Variants in BTBD16 observed in about 807,000 individuals in gnomAD.
BTBD16 encodes the protein BTB/POZ domain-containing protein 16.
In BTBD16, 66 loss-of-function variants were observed where a neutral mutation model predicts 67.4. The observed-to-expected ratio is 0.98, with a 90% CI of 0.80 to 1.20. The LOEUF is 1.20. BTBD16 is among the 50% of genes most tolerant of loss of function. BTBD16 has a pLI of 0.00. For missense variants in BTBD16, 634 were observed against 616.0 expected, an observed-to-expected ratio of 1.03 and a Z score of -0.31; for synonymous variants, 242 against 236.4, an observed-to-expected ratio of 1.02 and a Z score of -0.22.
intron 4 of BTBD16, 64 bp from the exon 5 acceptor site, chr10:122,286,041 G>T: frequency 6.7e-7 from 1 of 1,482,632 alleles, no homozygotes. Context: ...GGGAGAGGAA[G>T]CTGATGCATC....
In BTBD16 at chr10:122,283,890, T is replaced by C. The variant is rs1317817471; in HGVS notation, c.207T>C (p.Asn69=). ...AAATCCAGAAGTTTTTCTTTGAGAA[T>C]TTCAAGAACAAGGACATCCAAAGTG... ...ISQIQKFFFE[N]FKNKDIQSGE... Residue 69 remains asparagine (N), a synonymous_variant, in exon 4 of 16, where the codon AAT becomes AAC. Coordinates refer to ENST00000260723, the MANE Select transcript of BTBD16 (RefSeq NM_144587.5). 9 of 1,614,008 alleles carry C rather than the reference T, an allele frequency of 5.6e-6. No individual in the cohort carries two copies. The highest frequency in any genetic ancestry group is 7.6e-6 in the Non-Finnish European group (9 of 1,179,968).
chr10:122,312,099 A>G (rs2096414732), intron 10 of BTBD16, among the ~76,000 whole-genome samples: 1 of 152,198 alleles, frequency 6.6e-6, no homozygotes, highest in Non-Finnish European at 1.5e-5. Flanking sequence ...TGGTACACAT[A>G]ATTATGTGCT....
chr10:122,318,171 T>C (rs752211535), intron 10 of BTBD16, among the ~76,000 whole-genome samples: 1 of 152,172 alleles, frequency 6.6e-6, no homozygotes, highest in Admixed American at 6.5e-5. Context: ...ATGTGGTCTG[T>C]TGTAGACTGA....
In BTBD16 at chr10:122,283,875, G is replaced by GC. The variant is rs766358864; in HGVS notation, c.192_193insC (p.Phe65LeufsTer4). The GC allele has an allele frequency of 1.2e-6, 2 of 1,614,146 alleles. No individual in the cohort carries two copies. The highest frequency in any genetic ancestry group is 1.7e-6 in the Non-Finnish European group (2 of 1,179,984). ...GGTTATGCATTTCACAAATCCAGAA[G>GC]TTTTTCTTTGAGAATTTCAAGAACA... is the stretch of plus-strand genomic sequence containing the variant. On this transcript the variant is annotated frameshift_variant, in exon 4 of 16. Transcript: ENST00000260723. LOFTEE classifies it high-confidence loss of function.
chr10:122,298,873 A>G, intron 8 of BTBD16, 131 bp from the exon 9 acceptor site: 1 of 1,174,122 alleles, frequency 8.5e-7, no homozygotes, highest in South Asian at 1.6e-5. Context: ...TAATTCATGT[A>G]TTTTGTAGAA....
intron 10 of BTBD16, chr10:122,327,636 G>A (rs763007383): frequency 4.5e-5 from 44 of 985,282 alleles, no homozygotes; most frequent in Non-Finnish European, 5.1e-5. Flanking sequence ...CACAAAAGTG[G>A]GCATCATTGC....
chr10:122,300,452 T>A (rs1401732173), intron 9 of BTBD16, among the ~76,000 whole-genome samples: 2 of 152,162 alleles, frequency 1.3e-5, no homozygotes, highest in Non-Finnish European at 2.9e-5. Flanking sequence ...TGCTATATCA[T>A]CTGCGTCTCT....
At chr10:122,329,359 G>A (rs539807117) in intron 10 of BTBD16, 121 bp from the exon 11 acceptor site, 5 of 855,694 alleles carry the variant, frequency 5.8e-6, no homozygotes, top group East Asian at 5.0e-5. Context: ...AGGGACCGAG[G>A]CCCCATCTCC....
At chr10:122,317,239 C>T (rs77188800) in intron 10 of BTBD16, among the ~76,000 whole-genome samples, 5,601 of 152,316 alleles carry the variant, frequency 0.037, 132 homozygotes, top group Non-Finnish European at 0.056. Flanking sequence ...GCTTAAAACA[C>T]AAACACGTTA....
At chr10:122,313,271 G>GTT (rs1184061682) in intron 10 of BTBD16, among the ~76,000 whole-genome samples, 4 of 89,782 alleles carry the variant, frequency 4.5e-5, no homozygotes, top group Non-Finnish European at 8.9e-5. Context: ...TTTTTTTTTT[G>GTT]TTTTTTTTTT....
intron 10 of BTBD16, among the ~76,000 whole-genome samples, chr10:122,308,645 C>A (rs537355257): frequency 6.6e-6 from 1 of 152,074 alleles, no homozygotes; most frequent in Non-Finnish European, 1.5e-5. Context: ...CTTTCTCCAG[C>A]GAGCTTTGGG....
At chr10:122,310,195 T>C (rs2096411302) in intron 10 of BTBD16, among the ~76,000 whole-genome samples, 1 of 152,238 alleles carries the variant, frequency 6.6e-6, no homozygotes, top group Non-Finnish European at 1.5e-5. Context: ...CCGTTTCTAT[T>C]GATGGGTGGT....
intron 15 of BTBD16, among the ~76,000 whole-genome samples, chr10:122,337,759 G>T (rs935464940): frequency 2.0e-5 from 3 of 152,204 alleles, no homozygotes; most frequent in African/African-American, 7.2e-5. Context: ...CTTGTTCAGG[G>T]TGATGGTTAC....
At chr10:122,329,908 G>T (rs2096452431) in intron 11 of BTBD16, among the ~76,000 whole-genome samples, 1 of 152,174 alleles carries the variant, frequency 6.6e-6, no homozygotes, top group South Asian at 2.1e-4. Context: ...TAGGCCCCTT[G>T]TTCTGCAGTT....
At chr10:122,331,441 G>A (rs929331865) in intron 12 of BTBD16, 183 bp downstream of exon 12, 3 of 569,794 alleles carry the variant, frequency 5.3e-6, no homozygotes, top group Middle Eastern at 8.8e-4. Flanking sequence ...AGGAGACCCA[G>A]CCTTGGAATC....
intron 10 of BTBD16, among the ~76,000 whole-genome samples, chr10:122,310,885 T>C (rs2096412578): frequency 6.6e-6 from 1 of 152,122 alleles, no homozygotes; most frequent in South Asian, 2.1e-4. Context: ...GGAAAGAAGC[T>C]GAGCAGCAAC....
At chr10:122,276,357 C>G (rs7893508) in intron 2 of BTBD16, among the ~76,000 whole-genome samples, 1 of 152,048 alleles carries the variant, frequency 6.6e-6, no homozygotes, top group South Asian at 2.1e-4. Context: ...AAAATAGATA[C>G]AATTTTATGT....
intron 10 of BTBD16, among the ~76,000 whole-genome samples, chr10:122,314,276 T>C (rs910507236): frequency 2.6e-5 from 4 of 152,126 alleles, no homozygotes; most frequent in African/African-American, 9.7e-5. Flanking sequence ...TTTCAGCACT[T>C]TGGGGAGGCC....
chr10:122,326,972 C>T (rs1239641325), intron 10 of BTBD16, among the ~76,000 whole-genome samples: 1 of 152,206 alleles, frequency 6.6e-6, no homozygotes, highest in African/African-American at 2.4e-5. Flanking sequence ...CTTGCTCCCT[C>T]CCATCTTACG....
Sources: gnomAD v4.1 joint callset for allele counts (sites outside exome capture counted in the v4.1 genomes callset) on GRCh38, gnomAD v4.1.1 for gene constraint, MANE v1.5 for transcripts, NCBI Gene and HGNC (gene_info 2026-07-23, HGNC 2026-07-21) for gene names.